Variants in SH3RF2 observed in about 807,000 individuals in gnomAD.
The protein encoded by SH3RF2 is SH3 domain containing ring finger 2, also known as E3 ubiquitin-protein ligase SH3RF2.
Under a neutral mutation model 59.0 loss-of-function variants are expected in SH3RF2, and 43 were observed. The ratio of observed to expected loss-of-function variants is 0.73; its 90% CI spans 0.57 to 0.94. SH3RF2 has a LOEUF of 0.94. Ranked by LOEUF, SH3RF2 falls within the 40% of genes least tolerant of loss-of-function variation. The pLI, the probability that SH3RF2 is intolerant of heterozygous loss-of-function variation, is 0.00. For synonymous variants in SH3RF2, 391 were observed against 391.5 expected, an observed-to-expected ratio of 1.00 and a Z score of 0.01; for missense variants, 930 against 940.1, an observed-to-expected ratio of 0.99 and a Z score of 0.14.
In SH3RF2 at chr5:146,013,759, G is replaced by T. The variant is rs139747301; in HGVS notation, c.757G>T (p.Ala253Ser). ...PILFVEPNLT[A>S]RHLLEKNKGR... is the part of the protein sequence containing the mutation. ...TTTGTCTTTTCAGCCAAACCTCACC[G>T]CAAGACACCTTTTAGAGAAGAACAA... Residue 253 changes from alanine (A) to serine (S), a missense_variant, in exon 5 of 10, where the codon GCA becomes TCA. Ala to Ser is a moderately conservative substitution (Grantham distance 99, BLOSUM62 1). Transcript: ENST00000359120. 8.1e-4 allele frequency: 1,308 copies of T among 1,613,866 alleles called. 4 individuals carry two copies. Among genetic ancestry groups the T allele is most frequent in the Admixed American group, 1.6e-3 (98 of 59,954 alleles).
chr5:145,998,259 A>G (rs1760247650), intron 2 of SH3RF2, among the ~76,000 whole-genome samples: 1 of 147,164 alleles, frequency 6.8e-6, no homozygotes, highest in Non-Finnish European at 1.5e-5. Context: ...CTTGAATTTA[A>G]TGAGCTTTAG....
intron 8 of SH3RF2, among the ~76,000 whole-genome samples, chr5:146,057,376 C>A (rs530999839): frequency 6.6e-6 from 1 of 152,272 alleles, no homozygotes; most frequent in East Asian, 1.9e-4. Context: ...CACACACACA[C>A]AATAAGTAAT....
At chr5:145,957,941 C>T (rs1426329447) in intron 2 of SH3RF2, among the ~76,000 whole-genome samples, 2 of 152,024 alleles carry the variant, frequency 1.3e-5, no homozygotes, top group East Asian at 1.9e-4. Flanking sequence ...GGTGAAACCC[C>T]GTCTCTACCA....
intron 9 of SH3RF2, among the ~76,000 whole-genome samples, chr5:146,060,540 G>C (rs987082875): frequency 6.6e-6 from 1 of 151,928 alleles, no homozygotes; most frequent in Non-Finnish European, 1.5e-5. Context: ...TTGAATTCTA[G>C]CTTTGCTGCT....
intron 5 of SH3RF2, 27 bp from the exon 6 acceptor site, chr5:146,047,745 G>A (rs373540794): frequency 5.6e-6 from 9 of 1,610,798 alleles, no homozygotes; most frequent in African/African-American, 1.3e-5. Flanking sequence ...CATTGGTTCT[G>A]CTTGGCTGTC....
intron 5 of SH3RF2, among the ~76,000 whole-genome samples, chr5:146,031,944 C>T (rs1761759371): frequency 6.6e-6 from 1 of 152,164 alleles, no homozygotes; most frequent in Admixed American, 6.5e-5. Flanking sequence ...CACAATGATG[C>T]ATGCTCCAGG....
Position 146,001,645 on chromosome 5 carries a change from C to T in SH3RF2, c.648+1318C>T, listed in dbSNP as rs139187244. On this transcript the variant is annotated intron_variant, in intron 3 of 9. Coordinates refer to ENST00000359120, the MANE Select transcript of SH3RF2 (RefSeq NM_152550.4). Reference sequence around the variant, plus strand: ...CATAAGGAAGTATCATCGTCTGCCTCTCTCACCCTTTCTGGGAATTTGTAA... The same window carrying T: ...CATAAGGAAGTATCATCGTCTGCCTTTCTCACCCTTTCTGGGAATTTGTAA... Among the ~76,000 whole-genome samples the T allele has an allele frequency of 6.8e-3, 1,037 of 152,330 alleles. 14 individuals carry two copies. The highest frequency in any genetic ancestry group is 0.024 in the African/African-American group (1,010 of 41,566).
chr5:146,079,052 C>G (rs1763384307), exon 10 of SH3RF2: 1 of 152,184 alleles, frequency 6.6e-6, no homozygotes, highest in Admixed American at 6.6e-5. Flanking sequence ...TCCCCGATAC[C>G]TTCTGACCCC....
intron 2 of SH3RF2, among the ~76,000 whole-genome samples, chr5:145,979,382 A>G (rs2149967855): frequency 6.6e-6 from 1 of 152,340 alleles, no homozygotes; most frequent in South Asian, 2.1e-4. Context: ...GTTACTTTTA[A>G]AGAGGGATTT....
intron 2 of SH3RF2, among the ~76,000 whole-genome samples, chr5:145,941,182 C>T (rs1757800696): frequency 1.3e-5 from 2 of 152,090 alleles, no homozygotes; most frequent in Admixed American, 1.3e-4. Flanking sequence ...CTTTTGAAGC[C>T]CAAAGTCTGT....
chr5:145,997,279 C>T, intron 2 of SH3RF2: 1 of 985,736 alleles, frequency 1.0e-6, no homozygotes, highest in Non-Finnish European at 1.6e-6. Flanking sequence ...GTACATGGAA[C>T]CAAAGAAGAG....
chr5:146,001,203 G>A (rs1410611640), intron 3 of SH3RF2, among the ~76,000 whole-genome samples: 1 of 152,168 alleles, frequency 6.6e-6, no homozygotes, highest in Non-Finnish European at 1.5e-5. Context: ...TTAACTATCT[G>A]TATTCAGTAT....
intron 4 of SH3RF2, among the ~76,000 whole-genome samples, chr5:146,012,293 A>G (rs771417343): frequency 7.9e-5 from 12 of 152,126 alleles, no homozygotes; most frequent in Non-Finnish European, 1.8e-4. Flanking sequence ...TTTTGCATCG[A>G]TGTTCATCAG....
downstream of SH3RF2, among the ~76,000 whole-genome samples, chr5:146,064,664 GAGAAAGAAAGAAAGAA>G (rs869196873): frequency 0.023 from 97 of 4,242 alleles, 7 homozygotes; most frequent in African/African-American, 0.042. Flanking sequence ...GAGAGAGAAA[GAGAAAGAAAGAAAGAA>G]AGAAAGAAAG....
At chr5:145,954,726 G>T (rs1178300035) in intron 2 of SH3RF2, among the ~76,000 whole-genome samples, 2 of 152,164 alleles carry the variant, frequency 1.3e-5, no homozygotes, top group African/African-American at 2.4e-5. Context: ...AAGAAAAGAG[G>T]TTTAATTGGC....
intron 9 of SH3RF2, among the ~76,000 whole-genome samples, chr5:146,069,172 C>T (rs1218583376): frequency 6.6e-6 from 1 of 152,220 alleles, no homozygotes; most frequent in Non-Finnish European, 1.5e-5. Context: ...TTTGAGCTCC[C>T]ATCTGGCTTC....
In SH3RF2 at chr5:145,938,210, G is replaced by A. The variant is rs960201773; in HGVS notation, c.282G>A (p.Met94Ile). The change falls in exon 2 of 10, where the codon ATG (methionine) becomes ATA (isoleucine). Residue 94 changes from methionine (M) to isoleucine (I), a missense_variant. Transcript: ENST00000359120. Reference sequence around the variant, plus strand: ...GCTCCTTCCGCAGGCCTGGCACGATGACCTTGCAGGATGGCAGGAAAAGCA... The same window carrying A: ...GCTCCTTCCGCAGGCCTGGCACGATAACCTTGCAGGATGGCAGGAAAAGCA... Reference protein sequence around the residue: ...RGGSFRRPGTMTLQDGRKSRT... With the variant: ...RGGSFRRPGTITLQDGRKSRT... 1 of 1,613,108 alleles carries A rather than the reference G, an allele frequency of 6.2e-7. No homozygotes were observed. The highest frequency in any genetic ancestry group is 8.5e-7 in the Non-Finnish European group (1 of 1,179,990).
intron 5 of SH3RF2, among the ~76,000 whole-genome samples, chr5:146,040,885 A>G (rs1042918995): frequency 2.5e-4 from 38 of 152,206 alleles, no homozygotes; most frequent in African/African-American, 8.9e-4. Flanking sequence ...TGCCAGGGAA[A>G]GGACAAGAAA....
At chr5:145,969,717 A>G (rs1488253880) in intron 2 of SH3RF2, among the ~76,000 whole-genome samples, 1 of 152,006 alleles carries the variant, frequency 6.6e-6, no homozygotes, top group Non-Finnish European at 1.5e-5. Flanking sequence ...CCTAGATGAC[A>G]GAGCGAGACA....
Sources: gnomAD v4.1 joint callset for allele counts (sites outside exome capture counted in the v4.1 genomes callset) on GRCh38, gnomAD v4.1.1 for gene constraint, MANE v1.5 for transcripts, NCBI Gene and HGNC (gene_info 2026-07-23, HGNC 2026-07-21) for gene names.